The following ZNF710 variants were observed in gnomAD, a reference collection of about 807,000 sequenced individuals.
The protein encoded by ZNF710 is zinc finger protein 710.
ZNF710 carries 13 observed loss-of-function variants against 50.6 expected under a neutral mutation model. The ratio of observed to expected loss-of-function variants is 0.26; its 90% CI spans 0.17 to 0.41. The LOEUF (loss-of-function observed/expected upper bound fraction) is 0.41. Ranked by LOEUF, ZNF710 falls within the 10% of genes least tolerant of loss-of-function variation. The pLI, the probability that ZNF710 is intolerant of heterozygous loss-of-function variation, is 1.00. For missense variants in ZNF710, 721 were observed against 936.6 expected (o/e 0.77, Z 3.01); for synonymous variants, 383 against 397.0 (o/e 0.96, Z 0.42).
intron 1 of ZNF710, among the ~76,000 whole-genome samples, chr15:90,044,453 G>A (rs781604050): frequency 3.9e-5 from 6 of 152,198 alleles, no homozygotes; most frequent in Non-Finnish European, 5.9e-5. Context: ...CGGTCCACAC[G>A]ACACAAGCTG....
intron 1 of ZNF710, among the ~76,000 whole-genome samples, chr15:90,022,278 A>AG (rs2151476279): frequency 6.6e-6 from 1 of 152,228 alleles, no homozygotes; most frequent in East Asian, 1.9e-4. Context: ...CAGGAGGCTG[A>AG]GGCAGGAGAA....
chr15:90,035,612 G>C (rs906777158), intron 1 of ZNF710, among the ~76,000 whole-genome samples: 5 of 152,234 alleles, frequency 3.3e-5, no homozygotes, highest in South Asian at 4.1e-4. Context: ...ATCTGAGTTA[G>C]GCCGGGCTCT....
chr15:90,005,635 A>G (rs1223672099), intron 1 of ZNF710, among the ~76,000 whole-genome samples: 1 of 152,102 alleles, frequency 6.6e-6, no homozygotes, highest in Non-Finnish European at 1.5e-5. Flanking sequence ...TTTTTAGTAG[A>G]GACGGGGTTT....
intron 1 of ZNF710, among the ~76,000 whole-genome samples, chr15:90,002,707 T>C (rs1379633077): frequency 2.6e-5 from 4 of 152,196 alleles, no homozygotes; most frequent in African/African-American, 9.6e-5. Context: ...CCTTTTAAGA[T>C]GACTTTTATG....
intron 4 of ZNF710, among the ~76,000 whole-genome samples, chr15:90,077,507 G>C (rs1011951922): frequency 6.6e-6 from 1 of 152,094 alleles, no homozygotes; most frequent in African/African-American, 2.4e-5. Context: ...GCCTCCCAAA[G>C]TGCTGGGATT....
intron 1 of ZNF710, among the ~76,000 whole-genome samples, chr15:90,001,947 A>G (rs1332960312): frequency 1.0e-4 from 14 of 137,772 alleles, no homozygotes; most frequent in Admixed American, 2.8e-4. Context: ...AGAGGGCGAG[A>G]GGGAGGAGAG....
At chr15:90,053,053 G>A (rs1256827982) in intron 1 of ZNF710, among the ~76,000 whole-genome samples, 1 of 152,260 alleles carries the variant, frequency 6.6e-6, no homozygotes, top group South Asian at 2.1e-4. Context: ...AAATTAGAAA[G>A]AGGTGGCAAC....
chr15:90,042,686 A>C (rs1367891789), intron 1 of ZNF710, among the ~76,000 whole-genome samples: 14 of 152,166 alleles, frequency 9.2e-5, no homozygotes, highest in Non-Finnish European at 2.9e-5. Context: ...AAGAAGGGGG[A>C]CAGGGAACAC....
intron 1 of ZNF710, among the ~76,000 whole-genome samples, chr15:90,052,626 T>C (rs888710220): frequency 6.6e-6 from 1 of 152,138 alleles, no homozygotes; most frequent in African/African-American, 2.4e-5. Context: ...ATCTGTAAAA[T>C]GAAAATTAAA....
intron 1 of ZNF710, among the ~76,000 whole-genome samples, chr15:90,064,971 C>G (rs547713996): frequency 6.6e-6 from 1 of 152,260 alleles, no homozygotes; most frequent in Admixed American, 6.5e-5. Flanking sequence ...AGCTGGCACT[C>G]GAGGTCCTCG....
chr15:90,005,498 G>C (rs1030404736), intron 1 of ZNF710, among the ~76,000 whole-genome samples: 3 of 152,092 alleles, frequency 2.0e-5, no homozygotes, highest in Admixed American at 2.0e-4. Context: ...CACCAGGCTG[G>C]AGTGCAGTGG....
At chr15:90,001,714 T>TGCGGCC (rs1898016181) in intron 1 of ZNF710, 100 bp downstream of exon 1, 1 of 138,100 alleles carries the variant, frequency 7.2e-6, no homozygotes, top group African/African-American at 2.6e-5. Flanking sequence ...GGTGGGTCGC[T>TGCGGCC]GCGGCCGCGG....
chr15:90,001,497 G>A lies in ZNF710; in HGVS notation c.-146G>A. 1 of 150,784 alleles carries A rather than the reference G, an allele frequency of 6.6e-6. No homozygotes were observed. The highest frequency in any genetic ancestry group is 1.5e-5 in the Non-Finnish European group (1 of 67,652). 9.3% of individuals were successfully genotyped at this position (150,784 alleles called of 1,614,324 possible). ...CGGCAGGAGCAGGCGGCGGGCGCGCGTGGAGGCGGGCGGCGGGCGCACAGC... is the reference window on the plus strand; with the variant it reads ...CGGCAGGAGCAGGCGGCGGGCGCGCATGGAGGCGGGCGGCGGGCGCACAGC... On this transcript the variant is annotated 5_prime_UTR_variant, in exon 1 of 5. It adds an upstream start codon to the 5' untranslated region. Coordinates refer to ENST00000268154, the MANE Select transcript of ZNF710 (RefSeq NM_198526.4).
chr15:90,069,222 C>T (rs1293359987), intron 2 of ZNF710, among the ~76,000 whole-genome samples: 1 of 144,046 alleles, frequency 6.9e-6, no homozygotes, highest in Admixed American at 6.9e-5. Flanking sequence ...GAGCAAAACT[C>T]CATCTCAAAA....
intron 1 of ZNF710, among the ~76,000 whole-genome samples, chr15:90,024,504 A>T (rs1476394369): frequency 1.3e-5 from 2 of 152,014 alleles, no homozygotes; most frequent in African/African-American, 4.8e-5. Flanking sequence ...GAGGAGGAAG[A>T]CCCCGGTGCA....
chr15:90,038,707 C>CTGTGTGTGTGTGTGTGTGTG lies in ZNF710; in HGVS notation c.-28-28388_-28-28369dup, dbSNP rs144152063. On this transcript the variant is annotated intron_variant, in intron 1 of 4. Transcript: ENST00000268154. ...TTTAATCTAGAACAGCCTCCCTGCTCTGTGTGTGTGTGTGTGTGTGTGTGT... is the reference window on the plus strand; with the variant it reads ...TTTAATCTAGAACAGCCTCCCTGCTCTGTGTGTGTGTGTGTGTGTGTGTGTGTGTGTGTGTGTGTGTGTGT... Among the ~76,000 whole-genome samples the CTGTGTGTGTGTGTGTGTGTG allele has an allele frequency of 1.5e-3, 216 of 143,668 alleles. 1 individual carries two copies. The highest frequency in any genetic ancestry group is 0.014 in the East Asian group (69 of 4,774). 94.3% of individuals were successfully genotyped at this position (143,668 alleles called of 152,430 possible).
upstream of ZNF710, among the ~76,000 whole-genome samples, chr15:89,998,658 G>T (rs1472986337): frequency 6.6e-6 from 1 of 152,160 alleles, no homozygotes; most frequent in Non-Finnish European, 1.5e-5. Flanking sequence ...GTAAATAAAA[G>T]CTACCGGGGA....
chr15:90,035,629 G>A (rs897962252), intron 1 of ZNF710, among the ~76,000 whole-genome samples: 1 of 152,228 alleles, frequency 6.6e-6, no homozygotes, highest in African/African-American at 2.4e-5. Context: ...CTCTCTAGCT[G>A]GGGCGGGAAG....
At chr15:90,032,995 A>G (rs1419046397) in intron 1 of ZNF710, among the ~76,000 whole-genome samples, 2 of 152,210 alleles carry the variant, frequency 1.3e-5, no homozygotes, top group Non-Finnish European at 2.9e-5. Flanking sequence ...TGCATTTAAA[A>G]TTCTTTAATT....
Sources: allele counts gnomAD v4.1 joint callset (sites outside exome capture counted in the v4.1 genomes callset), GRCh38; gene constraint gnomAD v4.1.1; transcripts MANE v1.5; gene names NCBI Gene and HGNC (gene_info 2026-07-23, HGNC 2026-07-21).